The following SPAG16 variants were observed in gnomAD, a reference collection of about 807,000 sequenced individuals.
SPAG16 encodes sperm associated antigen 16.
In SPAG16, 86 loss-of-function variants were observed where a neutral mutation model predicts 80.4. The ratio of observed to expected loss-of-function variants is 1.07; its 90% confidence interval spans 0.90 to 1.28. The LOEUF is 1.28. Among genes scored for constraint, SPAG16 ranks in the 50% most tolerant of loss-of-function variants. The probability of loss-of-function intolerance (pLI) is 0.00; values close to 1 mark genes in which losing one functional copy is unlikely to be tolerated. For synonymous variants in SPAG16, 294 were observed against 265.9 expected, an observed-to-expected ratio of 1.11 and a Z score of -1.03; for missense variants, 870 against 765.3, an observed-to-expected ratio of 1.14 and a Z score of -1.61.
At chr2:213,669,892 C>T (rs1378331939) in intron 10 of SPAG16, among the ~76,000 whole-genome samples, 3 of 152,052 alleles carry the variant, frequency 2.0e-5, no homozygotes, top group Non-Finnish European at 2.9e-5. Context: ...AAGCTGTTTA[C>T]TCAGCAACAT....
intron 11 of SPAG16, among the ~76,000 whole-genome samples, chr2:213,889,300 T>G (rs1559555301): frequency 1.3e-5 from 2 of 151,944 alleles, no homozygotes; most frequent in African/African-American, 4.8e-5. Flanking sequence ...ACCTAAATTT[T>G]GATGTAAAAA....
At chr2:214,052,241 A>T (rs1285458961) in intron 13 of SPAG16, among the ~76,000 whole-genome samples, 1 of 152,246 alleles carries the variant, frequency 6.6e-6, no homozygotes, top group Non-Finnish European at 1.5e-5. Flanking sequence ...AGTTTTTCCT[A>T]AAGTAAATTG....
At chr2:214,034,161 C>T (rs2048564565) in intron 13 of SPAG16, among the ~76,000 whole-genome samples, 2 of 152,176 alleles carry the variant, frequency 1.3e-5, no homozygotes, top group Admixed American at 6.5e-5. Context: ...CATAGAAATA[C>T]CTCAGAAGTG....
chr2:213,465,009 C>T (rs2072601315), intron 9 of SPAG16, among the ~76,000 whole-genome samples: 1 of 152,202 alleles, frequency 6.6e-6, no homozygotes, highest in African/African-American at 2.4e-5. Flanking sequence ...GGTACTCTAA[C>T]TGCCAATTTA....
At chr2:213,807,219 T>G (rs1005394283) in intron 10 of SPAG16, among the ~76,000 whole-genome samples, 2 of 152,180 alleles carry the variant, frequency 1.3e-5, no homozygotes, top group African/African-American at 4.8e-5. Flanking sequence ...CTTGACTCAT[T>G]TGCTTCCATA....
chr2:213,389,936 T>C (rs1575458449), intron 9 of SPAG16, among the ~76,000 whole-genome samples: 1 of 152,214 alleles, frequency 6.6e-6, no homozygotes, highest in African/African-American at 2.4e-5. Flanking sequence ...TTTACACCCA[T>C]GTTCATAGCA....
At chr2:214,055,244 A>G (rs757489146) in intron 13 of SPAG16, among the ~76,000 whole-genome samples, 2 of 152,140 alleles carry the variant, frequency 1.3e-5, no homozygotes, top group Non-Finnish European at 2.9e-5. Flanking sequence ...CCAACTACAT[A>G]TTGATGATTT....
chr2:213,458,066 T>A (rs1239538665), intron 9 of SPAG16, among the ~76,000 whole-genome samples: 1 of 152,144 alleles, frequency 6.6e-6, no homozygotes, highest in Non-Finnish European at 1.5e-5. Context: ...TGAACTTTAT[T>A]TATTCCCTTT....
intron 15 of SPAG16, among the ~76,000 whole-genome samples, chr2:214,190,268 A>T (rs1407101958): frequency 1.3e-5 from 2 of 152,096 alleles, no homozygotes; most frequent in Admixed American, 1.3e-4. Context: ...AGGGAATATG[A>T]GTGGGACCTT....
chr2:214,145,763 G>A (rs2055608015), intron 14 of SPAG16, among the ~76,000 whole-genome samples: 2 of 151,920 alleles, frequency 1.3e-5, no homozygotes, highest in Non-Finnish European at 2.9e-5. Context: ...TTTGGGCTTC[G>A]GCTCAGTTAA....
chr2:214,071,068 A>G (rs2050768486), intron 13 of SPAG16, among the ~76,000 whole-genome samples: 1 of 152,184 alleles, frequency 6.6e-6, no homozygotes, highest in Non-Finnish European at 1.5e-5. Flanking sequence ...ACTGGAAACT[A>G]GGAAAGGAGT....
intron 11 of SPAG16, among the ~76,000 whole-genome samples, chr2:213,917,741 C>T (rs1454650523): frequency 1.3e-5 from 2 of 152,126 alleles, no homozygotes; most frequent in Non-Finnish European, 2.9e-5. Flanking sequence ...TTGACTTCCT[C>T]TCTTCTTATA....
intron 10 of SPAG16, among the ~76,000 whole-genome samples, chr2:213,822,394 T>C (rs916714114): frequency 2.6e-5 from 4 of 152,186 alleles, no homozygotes; most frequent in African/African-American, 9.6e-5. Flanking sequence ...ATTTTTCCTA[T>C]AGAGTTGTTT....
intron 10 of SPAG16, among the ~76,000 whole-genome samples, chr2:213,653,543 C>T (rs1446224633): frequency 6.6e-6 from 1 of 152,142 alleles, no homozygotes; most frequent in Admixed American, 6.5e-5. Context: ...CAGGTCAATG[C>T]CTTTGCTATG....
chr2:214,306,796 A>G (rs890601742), intron 15 of SPAG16, among the ~76,000 whole-genome samples: 3 of 152,058 alleles, frequency 2.0e-5, no homozygotes, highest in Non-Finnish European at 2.9e-5. Flanking sequence ...TTTTTGTATC[A>G]ATATTCATCA....
intron 10 of SPAG16, among the ~76,000 whole-genome samples, chr2:213,522,578 T>TCATATTG (rs1199928355): frequency 6.6e-6 from 1 of 152,076 alleles, no homozygotes; most frequent in Non-Finnish European, 1.5e-5. Context: ...CTTATACAAG[T>TCATATTG]TGGCTCTCTG....
chr2:213,629,451 C>T (rs1278259677), intron 10 of SPAG16, among the ~76,000 whole-genome samples: 2 of 152,192 alleles, frequency 1.3e-5, no homozygotes, highest in African/African-American at 4.8e-5. Context: ...AAAAGAAAGA[C>T]ACAAAATTGA....
intron 9 of SPAG16, among the ~76,000 whole-genome samples, chr2:213,469,595 T>G (rs968543701): frequency 2.1e-5 from 3 of 144,060 alleles, no homozygotes; most frequent in African/African-American, 8.4e-5. Flanking sequence ...TTTTTTTTTT[T>G]TCCTGGTGGA....
chr2:213,625,930 T>C (rs969692675), intron 10 of SPAG16, among the ~76,000 whole-genome samples: 2 of 152,092 alleles, frequency 1.3e-5, no homozygotes, highest in Non-Finnish European at 2.9e-5. Context: ...CCTCAGGTTA[T>C]CCACCCGCCT....
Sources: allele counts gnomAD v4.1 joint callset (sites outside exome capture counted in the v4.1 genomes callset), GRCh38; gene constraint gnomAD v4.1.1; transcripts MANE v1.5; gene names NCBI Gene and HGNC (gene_info 2026-07-23, HGNC 2026-07-21).